SRC: variants seen among roughly 807,000 people sequenced by gnomAD.
SRC encodes proto-oncogene tyrosine-protein kinase Src.
A neutral mutation model predicts 62.9 loss-of-function variants in SRC; 13 were observed. The ratio of observed to expected loss-of-function variants is 0.21; its 90% CI spans 0.13 to 0.33. SRC has a LOEUF of 0.33. Among genes scored for constraint, SRC ranks in the 10% least tolerant of loss-of-function variants. The pLI, the probability that SRC is intolerant of heterozygous loss-of-function variation, is 1.00. For synonymous variants in SRC, 302 were observed against 317.5 expected (o/e 0.95, Z 0.52); for missense variants, 457 against 737.3 (o/e 0.62, Z 4.40).
At chr20:37,385,954 CT>C (rs2070448972) in intron 4 of SRC, 120 bp from the exon 5 acceptor site, 1 of 764,274 alleles carries the variant, frequency 1.3e-6, no homozygotes, top group Admixed American at 2.0e-5. Context: ...CTGACTGTGT[CT>C]TTGGGCTGAG....
Position 37,402,746 on chromosome 20 carries a change from C to T in SRC, c.1271-3C>T, listed in dbSNP as rs2147126076. 1 of 1,609,728 alleles carries T rather than the reference C, an allele frequency of 6.2e-7. No individual in the cohort carries two copies. Among genetic ancestry groups the T allele is most frequent in the South Asian group, 1.1e-5 (1 of 90,428 alleles). On this transcript the variant is annotated splice_polypyrimidine_tract_variant and splice_region_variant and intron_variant, in intron 12 of 13. Transcript: ENST00000373578. The surrounding 1 kb of genome is among the most constrained non-coding windows in gnomAD (Gnocchi z 6.2). ...GCTGCCCTGACCTTTCTCGTTCCTG[C>T]AGGTGCCAAATTCCCCATCAAGTGG...
chr20:37,385,312 G>A (rs564629212), intron 4 of SRC, among the ~76,000 whole-genome samples: 1 of 152,296 alleles, frequency 6.6e-6, no homozygotes, highest in East Asian at 1.9e-4. Context: ...ACGCCCAAGC[G>A]AGAGAAACAG....
chr20:37,372,210 T>TGTCCCTTAGGCTAGTCTTGAA (rs59050789), intron 2 of SRC, among the ~76,000 whole-genome samples: 1 of 151,712 alleles, frequency 6.6e-6, no homozygotes, highest in African/African-American at 2.4e-5. Context: ...GATTTCACCA[T>TGTCCCTTAGGCTAGTCTTGAA]CTCCTGAGCT....
chr20:37,379,629 C>T (rs1264933080), intron 2 of SRC, among the ~76,000 whole-genome samples: 1 of 151,558 alleles, frequency 6.6e-6, no homozygotes, highest in South Asian at 2.1e-4. Flanking sequence ...GAGGCTGAGG[C>T]AGTAGAATTG....
At chr20:37,359,157 T>A (rs2069928262) in intron 1 of SRC, among the ~76,000 whole-genome samples, 1 of 152,180 alleles carries the variant, frequency 6.6e-6, no homozygotes, top group Admixed American at 6.5e-5. Context: ...TGGTGGGGCA[T>A]AGGCTGTGGG....
chr20:37,393,761 C>G (rs1231217831), intron 5 of SRC, 134 bp from the exon 6 acceptor site: 3 of 645,336 alleles, frequency 4.6e-6, no homozygotes, highest in Admixed American at 2.6e-5. Flanking sequence ...TGGGGACTCA[C>G]GCTGGCCCCA....
chr20:37,372,692 T>A (rs1292621623), intron 2 of SRC, among the ~76,000 whole-genome samples: 2 of 152,226 alleles, frequency 1.3e-5, no homozygotes, highest in African/African-American at 4.8e-5. Context: ...TGCATTTATC[T>A]TATGAGTGAG....
At position 37,384,987 on chromosome 20, in the gene SRC, G is replaced by A. The variant is rs896047639; in HGVS notation, c.250+584G>A. Among the ~76,000 whole-genome samples the A allele has an allele frequency of 2.2e-4, 34 of 152,296 alleles. No homozygotes were observed. The highest frequency in any genetic ancestry group is 7.7e-4 in the African/African-American group (32 of 41,566). On this transcript the variant is annotated intron_variant, in intron 4 of 13. Transcript: ENST00000373578. This position sits in a 1 kb window ranked among gnomAD's most constrained non-coding sequence, Gnocchi z 6.7. The stretch of plus-strand genomic sequence containing the variant: ...CCGTTCACTCTCCCCACAGGCACAC[G>A]CTGGGCCACACACACGGCTACACCC...
intron 4 of SRC, among the ~76,000 whole-genome samples, chr20:37,385,062 C>G (rs939030643): frequency 1.2e-4 from 18 of 152,346 alleles, no homozygotes; most frequent in African/African-American, 4.3e-4. Flanking sequence ...CACAGACACC[C>G]GCAGACACAT....
At chr20:37,352,761 A>G (rs2069825169) in intron 1 of SRC, among the ~76,000 whole-genome samples, 1 of 151,826 alleles carries the variant, frequency 6.6e-6, no homozygotes, top group Admixed American at 6.6e-5. Flanking sequence ...TGCCCCGATC[A>G]TCTCCCATAT....
chr20:37,388,746 C>CA (rs576000442), intron 5 of SRC, among the ~76,000 whole-genome samples: 251 of 131,062 alleles, frequency 1.9e-3, no homozygotes, highest in African/African-American at 6.8e-3. Flanking sequence ...GACTCTGTCT[C>CA]AAAAAAAAGA....
intron 7 of SRC, among the ~76,000 whole-genome samples, chr20:37,395,122 G>C (rs187439916): frequency 1.6e-4 from 24 of 152,302 alleles, no homozygotes; most frequent in African/African-American, 5.8e-4. Context: ...GCACCCTCCC[G>C]GGCCATCAGT....
At position 37,397,377 on chromosome 20, in the gene SRC, T is replaced by A. The variant is rs1487523299; in HGVS notation, c.704-322T>A. 6.6e-6 allele frequency among the ~76,000 whole-genome samples: 1 copy of A among 152,164 alleles called. No homozygotes were observed. Among genetic ancestry groups the A allele is most frequent in the African/African-American group, 2.4e-5 (1 of 41,428 alleles). ...TCACATCTGTGGTCCTGGGAGGTGA[T>A]TAGGGAAGTGGGGCTCCTCCCTGGA... On this transcript the variant is annotated intron_variant, in intron 8 of 13. Coordinates refer to ENST00000373578, the MANE Select transcript of SRC (RefSeq NM_198291.3). The surrounding 1 kb of genome is among the most constrained non-coding windows in gnomAD (Gnocchi z 4.1).
At chr20:37,383,936 G>T (rs1484541974) in intron 3 of SRC, among the ~76,000 whole-genome samples, 1 of 150,586 alleles carries the variant, frequency 6.6e-6, no homozygotes, top group Non-Finnish European at 1.5e-5. Context: ...GGGTTTCCGC[G>T]TGTTGGCCCG....
Position 37,403,017 on chromosome 20 carries a change from C to A in SRC, c.1402+137C>A. ...TTGAGCGTCTGATGTTAGGCTCTCT[C>A]GATGGTCCATGCTCTCAGCTTCGGG... On this transcript the variant is annotated intron_variant, in intron 13 of 13. Coordinates refer to ENST00000373578, the MANE Select transcript of SRC (RefSeq NM_198291.3). This position sits in a 1 kb window ranked among gnomAD's most constrained non-coding sequence, Gnocchi z 7.1. 1.5e-6 allele frequency: 2 copies of A among 1,337,800 alleles called. No individual in the cohort carries two copies. The highest frequency in any genetic ancestry group is 1.4e-5 in the South Asian group (1 of 69,354). The allele number at this position is 1,337,800 out of a possible 1,614,324, so 82.9% of individuals were successfully genotyped here.
chr20:37,379,131 C>T (rs764683862), intron 2 of SRC, among the ~76,000 whole-genome samples: 49 of 152,164 alleles, frequency 3.2e-4, no homozygotes, highest in Middle Eastern at 3.4e-3. Context: ...CGGCACCTCT[C>T]GAGGGAGCGA....
At chr20:37,347,459 CA>C (rs1159996277) in intron 1 of SRC, among the ~76,000 whole-genome samples, 1 of 152,218 alleles carries the variant, frequency 6.6e-6, no homozygotes, top group Non-Finnish European at 1.5e-5. Flanking sequence ...AGCGCTTCTG[CA>C]GGTAGAGGCT....
chr20:37,375,119 C>T lies in SRC; in HGVS notation c.-172-7500C>T, dbSNP rs1197977943. Among the ~76,000 whole-genome samples, 9 of 150,158 alleles carry T rather than the reference C, an allele frequency of 6.0e-5. No homozygotes were observed. In the South Asian group the frequency reaches 1.3e-3, roughly 21 times the overall value. On this transcript the variant is annotated intron_variant, in intron 2 of 13. Coordinates refer to ENST00000373578, the MANE Select transcript of SRC (RefSeq NM_198291.3). ...CTAATTTTTGTATTTTTAGTAGAGA[C>T]GAGGTTTCACCATGTTGGCCAGGCT... is the stretch of plus-strand genomic sequence containing the variant.
chr20:37,358,422 G>A (rs2069915164), intron 1 of SRC, among the ~76,000 whole-genome samples: 1 of 152,188 alleles, frequency 6.6e-6, no homozygotes, highest in African/African-American at 2.4e-5. Context: ...TTTCCACACA[G>A]GGAAACTGAG....
Sources: gnomAD v4.1 joint callset for allele counts (sites outside exome capture counted in the v4.1 genomes callset) on GRCh38, gnomAD v4.1.1 for gene constraint, Gnocchi (gnomAD v3.1) non-coding constraint, MANE v1.5 for transcripts, NCBI Gene and HGNC (gene_info 2026-07-23, HGNC 2026-07-21) for gene names.